The following RPA1 variants were observed in gnomAD, a reference collection of about 807,000 sequenced individuals.
The protein encoded by RPA1 is replication protein A 70 kDa DNA-binding subunit.
A neutral mutation model predicts 83.0 loss-of-function variants in RPA1; 49 were observed. That is an observed-to-expected ratio of 0.59 (90% confidence interval 0.47 to 0.75). The LOEUF (loss-of-function observed/expected upper bound fraction) is 0.75. Among genes scored for constraint, RPA1 ranks in the 30% least tolerant of loss-of-function variants. RPA1 has a pLI of 0.00. For synonymous variants in RPA1, 279 were observed against 281.8 expected, an observed-to-expected ratio of 0.99 and a Z score of 0.10; for missense variants, 693 against 776.1, an observed-to-expected ratio of 0.89 and a Z score of 1.27.
In RPA1 at chr17:1,880,614, A is replaced by ACCT. The variant is rs747511226; in HGVS notation, c.1165_1166insCTC (p.Gly388_Arg389insPro). 18 of 1,613,890 alleles carry ACCT rather than the reference A, an allele frequency of 1.1e-5. No homozygotes were observed. Among genetic ancestry groups the ACCT allele is most frequent in the Non-Finnish European group, 8.5e-7 (1 of 1,179,986 alleles). ...GAGCCCGAGTCTCTGATTTCGGTGG[A>ACCT]CGGAGCCTCTCCGTGCTGTCTTCAA... On this transcript the variant is annotated inframe_insertion, in exon 12 of 17. Transcript: ENST00000254719.
chr17:1,878,220 G>A (rs572137622), intron 8 of RPA1, among the ~76,000 whole-genome samples: 1 of 152,298 alleles, frequency 6.6e-6, no homozygotes, highest in East Asian at 1.9e-4. Context: ...GGGCGACAGA[G>A]TGAGACTCCA....
intron 1 of RPA1, among the ~76,000 whole-genome samples, chr17:1,841,709 A>G (rs7503251): frequency 0.86 from 130,820 of 152,190 alleles, 56,604 homozygotes; most frequent in Non-Finnish European, 0.92. Context: ...CCTTATTCCC[A>G]ATCTTAGTAG....
In RPA1 at chr17:1,897,551, AC is replaced by A. The variant is rs5030989; in HGVS notation, c.*385del. 37,082 of 161,456 alleles carry A rather than the reference AC, an allele frequency of 0.23. 4,586 individuals are homozygous for A. The highest frequency in any genetic ancestry group is 0.33 in the African/African-American group (13,595 of 40,800). 10.0% of individuals were successfully genotyped at this position (161,456 alleles called of 1,614,324 possible). ...GGTTTTTGCTTCTCCAGTGGTGACC[AC>A]CCCCCCCCATCCCCGCTCACAACTT... On this transcript the variant is annotated 3_prime_UTR_variant, in exon 17 of 17. Transcript: ENST00000254719.
In RPA1 at chr17:1,879,822, G is replaced by T. The variant is rs957194159; in HGVS notation, c.1092+123G>T. The stretch of plus-strand genomic sequence containing the variant: ...AGCTCCTGGAGTTGGGGGAGGGAGT[G>T]GTCTTATCCTATAGGATGGGGCCTT... On this transcript the variant is annotated intron_variant, in intron 11 of 16. Transcript: ENST00000254719. The T allele has an allele frequency of 4.0e-6, 5 of 1,247,504 alleles. No homozygotes were observed. In the African/African-American group the frequency reaches 4.5e-5, roughly 11 times the overall value. 77.3% of individuals were successfully genotyped at this position (1,247,504 alleles called of 1,614,324 possible).
chr17:1,867,188 G>A (rs560837160), intron 5 of RPA1, among the ~76,000 whole-genome samples: 3 of 150,700 alleles, frequency 2.0e-5, no homozygotes, highest in South Asian at 4.2e-4. Context: ...TTGTTAAAAT[G>A]AGCGAATTTG....
intron 5 of RPA1, among the ~76,000 whole-genome samples, chr17:1,861,317 G>A (rs1912956736): frequency 6.6e-6 from 1 of 152,174 alleles, no homozygotes; most frequent in Non-Finnish European, 1.5e-5. Context: ...TTGAGGCACT[G>A]AGCTGGTGCA....
At position 1,897,558 on chromosome 17, in the gene RPA1, C is replaced by G. The variant is rs575033951; in HGVS notation, c.*383C>G. ...GCTTCTCCAGTGGTGACCACCCCCC[C>G]CCATCCCCGCTCACAACTTGGGTTC... On this transcript the variant is annotated 3_prime_UTR_variant, in exon 17 of 17. Transcript: ENST00000254719. 52 of 164,890 alleles carry G rather than the reference C, an allele frequency of 3.2e-4. No homozygotes were observed. Among genetic ancestry groups the G allele is most frequent in the East Asian group, 1.4e-3 (8 of 5,590 alleles). The allele number at this position is 164,890 out of a possible 1,614,324, so 10.2% of individuals were successfully genotyped here.
rs1318597798 is a variant in RPA1 at position 1,897,040 on chromosome 17, C to G, written c.1747-31C>G. The G allele has an allele frequency of 1.9e-6, 3 of 1,539,716 alleles. No individual in the cohort carries two copies. The South Asian group carries it at 3.6e-5, about 18-fold the overall frequency. ...TTCACTGCTCCACACCACACTTTCA[C>G]TGCTCACAAACTACTTCTCCCTTTT... is the stretch of plus-strand genomic sequence containing the variant. On this transcript the variant is annotated intron_variant, in intron 16 of 16. Transcript: ENST00000254719.
intron 3 of RPA1, among the ~76,000 whole-genome samples, chr17:1,844,329 G>A (rs1316235835): frequency 1.3e-5 from 2 of 152,170 alleles, no homozygotes; most frequent in African/African-American, 4.8e-5. Context: ...TGTGTTGGAA[G>A]CTGTAAAGGG....
chr17:1,831,538 T>C (rs1567796259), intron 1 of RPA1, among the ~76,000 whole-genome samples: 1 of 152,180 alleles, frequency 6.6e-6, no homozygotes, highest in East Asian at 1.9e-4. Context: ...CCCCACATTT[T>C]TTTTTAAATT....
intron 1 of RPA1, among the ~76,000 whole-genome samples, chr17:1,840,893 CCT>C (rs1912022009): frequency 6.6e-6 from 1 of 151,980 alleles, no homozygotes; most frequent in Non-Finnish European, 1.5e-5. Context: ...GTAGTGAAAC[CCT>C]GTCTCTACTA....
At position 1,899,120 on chromosome 17, in the gene RPA1, T is replaced by G. The variant is rs957782364; in HGVS notation, c.*1945T>G. ...AACCAGCACGTCTCCGTGGATGTGA[T>G]TGGGAACCCAGGGGCAGTGCCAGGG... On this transcript the variant is annotated 3_prime_UTR_variant, in exon 17 of 17. Transcript: ENST00000254719. The G allele has an allele frequency of 3.9e-5, 6 of 152,894 alleles. 1 individual carries two copies. The Admixed American group carries it at 3.9e-4, about 10-fold the overall frequency. 9.5% of individuals were successfully genotyped at this position (152,894 alleles called of 1,614,324 possible).
At chr17:1,850,650 C>A (rs1259594802) in intron 4 of RPA1, among the ~76,000 whole-genome samples, 1 of 151,846 alleles carries the variant, frequency 6.6e-6, no homozygotes, top group East Asian at 1.9e-4. Context: ...AATCCCAGCA[C>A]TTTGGGAGGC....
Position 1,898,929 on chromosome 17 carries a change from C to T in RPA1, c.*1754C>T, listed in dbSNP as rs1914550109. The stretch of plus-strand genomic sequence containing the variant: ...GGCTGGGAAGTGGCGATCTAGCTTT[C>T]AGCCCAGTAACCAGTCTTTCATGCC... On this transcript the variant is annotated 3_prime_UTR_variant, in exon 17 of 17. Coordinates refer to ENST00000254719, the MANE Select transcript of RPA1 (RefSeq NM_002945.5). 1 of 152,748 alleles carries T rather than the reference C, an allele frequency of 6.5e-6. No homozygotes were observed. Among genetic ancestry groups the T allele is most frequent in the African/African-American group, 2.4e-5 (1 of 41,456 alleles). The allele number at this position is 152,748 out of a possible 1,614,324, so 9.5% of individuals were successfully genotyped here.
At chr17:1,837,510 A>T (rs1911870359) in intron 1 of RPA1, among the ~76,000 whole-genome samples, 1 of 152,226 alleles carries the variant, frequency 6.6e-6, no homozygotes, top group South Asian at 2.1e-4. Flanking sequence ...TTGCTGGGTC[A>T]CAGGTAACTG....
At chr17:1,880,149 G>A (rs1344894291) in intron 11 of RPA1, among the ~76,000 whole-genome samples, 1 of 152,060 alleles carries the variant, frequency 6.6e-6, no homozygotes, top group African/African-American at 2.4e-5. Flanking sequence ...GGTTGGCGGA[G>A]GGGGCGTCTT....
chr17:1,841,437 G>A (rs1201499178), intron 1 of RPA1, among the ~76,000 whole-genome samples: 1 of 152,082 alleles, frequency 6.6e-6, no homozygotes, highest in East Asian at 1.9e-4. Context: ...CCCAGCAGCT[G>A]GGATTACAGG....
chr17:1,853,116 G>T lies in RPA1; in HGVS notation c.288G>T (p.Leu96Phe). 1 of 1,614,128 alleles carries T rather than the reference G, an allele frequency of 6.2e-7. No individual in the cohort carries two copies. The highest frequency in any genetic ancestry group is 8.5e-7 in the Non-Finnish European group (1 of 1,179,984). Residue 96 changes from leucine (L) to phenylalanine (F), a missense_variant, in exon 5 of 17, where the codon TTG becomes TTT. Physicochemically the swap from Leu to Phe is conservative, Grantham distance 22 (BLOSUM62 0). Coordinates refer to ENST00000254719, the MANE Select transcript of RPA1 (RefSeq NM_002945.5). ...TLKDGRRVVI[L>F]MELEVLKSAE... The stretch of plus-strand genomic sequence containing the variant: ...GCTTTTGCAGGAGAGTAGTTATCTT[G>T]ATGGAATTAGAAGTTTTGAAGTCAG...
intron 5 of RPA1, among the ~76,000 whole-genome samples, chr17:1,859,969 T>G (rs1455587339): frequency 6.6e-6 from 1 of 152,150 alleles, no homozygotes; most frequent in Admixed American, 6.5e-5. Context: ...CGCATCACCA[T>G]GCTCAGCTGA....
Sources: gnomAD v4.1 joint callset for allele counts (sites outside exome capture counted in the v4.1 genomes callset) on GRCh38, gnomAD v4.1.1 for gene constraint, MANE v1.5 for transcripts, NCBI Gene and HGNC (gene_info 2026-07-23, HGNC 2026-07-21) for gene names.